The following LY6S variants were observed in gnomAD, a reference collection of about 807,000 sequenced individuals.
LY6S encodes the protein lymphocyte antigen 6 family member S.
At chr8:143,044,511 C>A in the LY6S span, 127 of 458,596 alleles carry the variant, frequency 2.8e-4, no homozygotes, top group African/African-American at 2.5e-3. Context: ...CCCTTCCCTG[C>A]ACAGGTCCTG....
the LY6S span, among the ~76,000 whole-genome samples, chr8:143,063,477 G>C: frequency 6.6e-6 from 1 of 152,176 alleles, no homozygotes; most frequent in African/African-American, 2.4e-5. Flanking sequence ...TCTGCCTCCT[G>C]TGCAGAGGTT....
chr8:143,058,379 G>A, the LY6S span, among the ~76,000 whole-genome samples: 1 of 152,240 alleles, frequency 6.6e-6, no homozygotes, highest in Non-Finnish European at 1.5e-5. Context: ...GTAAGGTCAC[G>A]TGGGTTGCGT....
At chr8:143,056,424 A>T in the LY6S span, among the ~76,000 whole-genome samples, 2 of 152,004 alleles carry the variant, frequency 1.3e-5, no homozygotes, top group African/African-American at 4.8e-5. Flanking sequence ...TCTATATGCT[A>T]ATTGATACAT....
At chr8:143,076,264 G>A in the LY6S span, among the ~76,000 whole-genome samples, 2,127 of 152,310 alleles carry the variant, frequency 0.014, 47 homozygotes, top group African/African-American at 0.049. Context: ...CTCAGGCACA[G>A]GGAGTGAGGG....
At chr8:143,070,458 AT>A in the LY6S span, among the ~76,000 whole-genome samples, 2 of 44,000 alleles carry the variant, frequency 4.5e-5, no homozygotes, top group African/African-American at 1.5e-4. Context: ...ATATATATAT[AT>A]ATATAATATA....
chr8:143,046,023 T>C, the LY6S span, among the ~76,000 whole-genome samples: 1 of 152,064 alleles, frequency 6.6e-6, no homozygotes, highest in Admixed American at 6.5e-5. Flanking sequence ...CCAGTTAATT[T>C]TTGTATATTA....
the LY6S span, among the ~76,000 whole-genome samples, chr8:143,076,256 C>A: frequency 6.6e-6 from 1 of 152,180 alleles, no homozygotes. Context: ...ATGAATTGCT[C>A]AGGCACAGGG....
chr8:143,074,994 A>C, the LY6S span, among the ~76,000 whole-genome samples: 1 of 151,882 alleles, frequency 6.6e-6, no homozygotes, highest in Non-Finnish European at 1.5e-5. Flanking sequence ...ATTTTTTCTC[A>C]TTGTTGAAAT....
At chr8:143,050,971 C>T in the LY6S span, among the ~76,000 whole-genome samples, 1 of 152,226 alleles carries the variant, frequency 6.6e-6, no homozygotes, top group African/African-American at 2.4e-5. Context: ...GGGCGCCTCC[C>T]TTGTCCCTCG....
At chr8:143,050,787 G>T in the LY6S span, among the ~76,000 whole-genome samples, 8 of 152,282 alleles carry the variant, frequency 5.3e-5, no homozygotes, top group South Asian at 1.5e-3. Flanking sequence ...ACGGATGGAA[G>T]TAGTTGCATG....
At chr8:143,070,483 A>ATTTTTTTTTTTTTTTTT in the LY6S span, among the ~76,000 whole-genome samples, 1 of 85,970 alleles carries the variant, frequency 1.2e-5, no homozygotes, top group African/African-American at 7.3e-5. Context: ...ATAAATATAT[A>ATTTTTTTTTTTTTTTTT]TATATATTTT....
At chr8:143,043,314 A>C in the LY6S span, 3 of 1,189,630 alleles carry the variant, frequency 2.5e-6, no homozygotes, top group East Asian at 4.9e-5. Flanking sequence ...GAGGAGGGAG[A>C]GCTTGTTCTC....
chr8:143,059,759 G>A, the LY6S span: 1 of 152,128 alleles, frequency 6.6e-6, no homozygotes, highest in Non-Finnish European at 1.5e-5. Context: ...GAGCCACTGT[G>A]TCTGGCACAA....
At chr8:143,073,540 TCCC>T in the LY6S span, among the ~76,000 whole-genome samples, 1 of 123,586 alleles carries the variant, frequency 8.1e-6, no homozygotes. Context: ...GTCCTCGGGG[TCCC>T]TGTTTGAGGA....
chr8:143,067,401 G>C, the LY6S span, among the ~76,000 whole-genome samples: 4 of 152,192 alleles, frequency 2.6e-5, no homozygotes, highest in African/African-American at 4.8e-5. Context: ...AGTGTGCTTG[G>C]TAAAAGTCAT....
At chr8:143,069,073 A>C in the LY6S span, among the ~76,000 whole-genome samples, 5 of 152,258 alleles carry the variant, frequency 3.3e-5, no homozygotes, top group South Asian at 8.3e-4. Flanking sequence ...TCAACTCACC[A>C]AGGAAGCGAG....
chr8:143,071,773 C>T, the LY6S span, among the ~76,000 whole-genome samples: 1 of 152,148 alleles, frequency 6.6e-6, no homozygotes, highest in African/African-American at 2.4e-5. Flanking sequence ...CGTCTACGCA[C>T]GTGCCCGGCT....
At chr8:143,072,596 T>C in the LY6S span, among the ~76,000 whole-genome samples, 1 of 140,928 alleles carries the variant, frequency 7.1e-6, no homozygotes, top group East Asian at 2.1e-4. Context: ...GGTTCCTGTT[T>C]GAGGAGACAG....
At chr8:143,049,173 C>T in the LY6S span, 1 of 534,754 alleles carries the variant, frequency 1.9e-6, no homozygotes, top group South Asian at 1.4e-5. Flanking sequence ...ACACCTGTGA[C>T]CTCCTGGACT....
Sources: allele counts gnomAD v4.1 joint callset (sites outside exome capture counted in the v4.1 genomes callset), GRCh38; gene constraint gnomAD v4.1.1; transcripts MANE v1.5; gene names NCBI Gene and HGNC (gene_info 2026-07-23, HGNC 2026-07-21).